SNTG1: variants seen among roughly 807,000 people sequenced by gnomAD.
The protein encoded by SNTG1 is gamma-1-syntrophin.
Under a neutral mutation model 74.7 loss-of-function variants are expected in SNTG1, and 39 were observed. The observed-to-expected ratio is 0.52, with a 90% CI of 0.40 to 0.68. The LOEUF (loss-of-function observed/expected upper bound fraction) is 0.68. Among genes scored for constraint, SNTG1 ranks in the 30% least tolerant of loss-of-function variants. The probability of loss-of-function intolerance (pLI) is 0.00; values close to 1 mark genes in which losing one functional copy is unlikely to be tolerated. For synonymous variants in SNTG1, 254 were observed against 217.1 expected, an observed-to-expected ratio of 1.17 and a Z score of -1.49; for missense variants, 685 against 609.5, an observed-to-expected ratio of 1.12 and a Z score of -1.30.
At chr8:50,593,272 G>A (rs1279385814) in intron 13 of SNTG1, among the ~76,000 whole-genome samples, 10 of 152,104 alleles carry the variant, frequency 6.6e-5, no homozygotes, top group Non-Finnish European at 1.0e-4. Flanking sequence ...CAACCGCTAA[G>A]ATTAGCTCCA....
intron 1 of SNTG1, among the ~76,000 whole-genome samples, chr8:50,064,539 T>G (rs1026260686): frequency 6.6e-6 from 1 of 152,218 alleles, no homozygotes; most frequent in East Asian, 1.9e-4. Context: ...AAAAGTCATC[T>G]TTTTAGACCC....
At chr8:50,092,171 G>C (rs1233757383) in intron 1 of SNTG1, among the ~76,000 whole-genome samples, 1 of 152,150 alleles carries the variant, frequency 6.6e-6, no homozygotes. Flanking sequence ...ATCTGGTTAA[G>C]CTCCCCGTTC....
intron 1 of SNTG1, among the ~76,000 whole-genome samples, chr8:50,149,996 T>C (rs1563661964): frequency 6.6e-6 from 1 of 152,174 alleles, no homozygotes; most frequent in East Asian, 1.9e-4. Flanking sequence ...GTATGGCCAT[T>C]TTCACGATAT....
At chr8:50,438,991 TC>T (rs2093333014) in intron 5 of SNTG1, among the ~76,000 whole-genome samples, 1 of 152,176 alleles carries the variant, frequency 6.6e-6, no homozygotes, top group Admixed American at 6.5e-5. Context: ...GATATTGTAT[TC>T]TGTTCATCTT....
At chr8:50,318,328 C>T (rs1307565849) in intron 2 of SNTG1, among the ~76,000 whole-genome samples, 1 of 152,188 alleles carries the variant, frequency 6.6e-6, no homozygotes, top group Non-Finnish European at 1.5e-5. Context: ...GCATTGGATA[C>T]AATGCCTAAC....
chr8:50,199,191 G>T lies in SNTG1; in HGVS notation c.-28+26556G>T, dbSNP rs1385627157. ...TGATTAGACAAAACTGTTGAATGTT[G>T]AAACACAACGATTAGGACTTAATTT... On this transcript the variant is annotated intron_variant, in intron 2 of 18. Coordinates refer to ENST00000642720, the MANE Select transcript of SNTG1 (RefSeq NM_018967.5). Among the ~76,000 whole-genome samples the T allele has an allele frequency of 2.7e-5, 4 of 149,712 alleles. No homozygotes were observed. In the East Asian group the frequency reaches 7.8e-4, roughly 29 times the overall value.
intron 1 of SNTG1, among the ~76,000 whole-genome samples, chr8:50,000,455 G>A (rs1444817079): frequency 6.6e-6 from 1 of 151,940 alleles, no homozygotes; most frequent in African/African-American, 2.4e-5. Flanking sequence ...TTTATGTTGT[G>A]CTTTAGTTAT....
intron 15 of SNTG1, among the ~76,000 whole-genome samples, chr8:50,671,887 C>T (rs1489516846): frequency 1.3e-5 from 2 of 151,634 alleles, no homozygotes; most frequent in African/African-American, 2.4e-5. Context: ...AGTTCATGTC[C>T]TTTGTAGGGA....
intron 4 of SNTG1, among the ~76,000 whole-genome samples, chr8:50,417,934 C>G (rs2093034725): frequency 6.6e-6 from 1 of 151,954 alleles, no homozygotes; most frequent in Non-Finnish European, 1.5e-5. Flanking sequence ...AGCAATTTCC[C>G]ACTGCATTTG....
chr8:50,662,225 T>C (rs1049883604), intron 15 of SNTG1, among the ~76,000 whole-genome samples: 2 of 152,146 alleles, frequency 1.3e-5, no homozygotes, highest in African/African-American at 4.8e-5. Context: ...AGAAAATGGA[T>C]CCCTCAGGTG....
At chr8:50,012,065 G>A (rs1815861989) in intron 1 of SNTG1, among the ~76,000 whole-genome samples, 2 of 152,128 alleles carry the variant, frequency 1.3e-5, no homozygotes, top group South Asian at 4.1e-4. Flanking sequence ...CATTAAATAT[G>A]TCTGTGGCAA....
At chr8:50,291,569 G>A (rs184522292) in intron 2 of SNTG1, among the ~76,000 whole-genome samples, 12 of 152,248 alleles carry the variant, frequency 7.9e-5, no homozygotes, top group Admixed American at 5.2e-4. Context: ...GGGCTAGATC[G>A]AGGAAGACTT....
At chr8:50,207,506 CA>C (rs1377094783) in intron 2 of SNTG1, among the ~76,000 whole-genome samples, 1 of 152,042 alleles carries the variant, frequency 6.6e-6, no homozygotes, top group Non-Finnish European at 1.5e-5. Context: ...TTGATCTCTT[CA>C]AAAAACTAGC....
chr8:50,742,569 A>T (rs924802414), intron 17 of SNTG1, among the ~76,000 whole-genome samples: 1 of 151,888 alleles, frequency 6.6e-6, no homozygotes, highest in African/African-American at 2.4e-5. Flanking sequence ...ATGAAAACAA[A>T]AACTCATCTA....
rs930998808 is a variant in SNTG1, at chr8:50,674,949, T to C, written c.1038+16286T>C. ...CCAGGAGTCATTAAGTAGCAGTTTGTTCAGTTTCCATGTAATTGTGTGTGT... is the reference window on the plus strand; with the variant it reads ...CCAGGAGTCATTAAGTAGCAGTTTGCTCAGTTTCCATGTAATTGTGTGTGT... On this transcript the variant is annotated intron_variant, in intron 15 of 18. Transcript: ENST00000642720. Among the ~76,000 whole-genome samples, 5 of 152,120 alleles carry C rather than the reference T, an allele frequency of 3.3e-5. No individual in the cohort carries two copies. In the South Asian group the frequency reaches 6.2e-4, roughly 19 times the overall value.
At chr8:50,062,298 C>T (rs1228894122) in intron 1 of SNTG1, among the ~76,000 whole-genome samples, 3 of 152,106 alleles carry the variant, frequency 2.0e-5, no homozygotes, top group Non-Finnish European at 2.9e-5. Flanking sequence ...ATGCCTGCCT[C>T]GGCCTCCCAA....
intron 2 of SNTG1, among the ~76,000 whole-genome samples, chr8:50,238,498 G>A (rs890462536): frequency 2.6e-5 from 4 of 152,026 alleles, no homozygotes; most frequent in African/African-American, 9.7e-5. Flanking sequence ...AACTTAAGAT[G>A]GATTAAAGAC....
chr8:50,281,520 A>T (rs1158878065), intron 2 of SNTG1, among the ~76,000 whole-genome samples: 1 of 152,172 alleles, frequency 6.6e-6, no homozygotes, highest in Non-Finnish European at 1.5e-5. Flanking sequence ...TTCAGGAAAA[A>T]GACAGTTTTG....
chr8:50,030,380 G>A (rs1479219516), intron 1 of SNTG1, among the ~76,000 whole-genome samples: 10 of 151,824 alleles, frequency 6.6e-5, no homozygotes, highest in Admixed American at 2.0e-4. Context: ...TGCCTTGGTC[G>A]CTGTGCTTTT....
Sources: allele counts gnomAD v4.1 joint callset (sites outside exome capture counted in the v4.1 genomes callset), GRCh38; gene constraint gnomAD v4.1.1; transcripts MANE v1.5; gene names NCBI Gene and HGNC (gene_info 2026-07-23, HGNC 2026-07-21).